The following CFAP210 variants were observed in gnomAD, a reference collection of about 807,000 sequenced individuals.
CFAP210 encodes the protein cilia and flagella associated protein 210.
At chr2:169,678,665 A>T in the CFAP210 span, among the ~76,000 whole-genome samples, 1 of 151,994 alleles carries the variant, frequency 6.6e-6, no homozygotes, top group African/African-American at 2.4e-5. Flanking sequence ...TCTCTACTAA[A>T]AATACAAAAA....
the CFAP210 span, chr2:169,650,474 A>G: frequency 1.3e-6 from 2 of 1,597,902 alleles, no homozygotes; most frequent in South Asian, 1.2e-5. Flanking sequence ...CTCTTTCAAC[A>G]GTTCACTCAG....
chr2:169,661,040 A>G, the CFAP210 span: 1 of 509,630 alleles, frequency 2.0e-6, no homozygotes, highest in South Asian at 1.5e-5. Context: ...TCTTTAGCAG[A>G]AGCCTGTTCT....
the CFAP210 span, chr2:169,646,203 A>AT: frequency 6.5e-7 from 1 of 1,539,026 alleles, no homozygotes; most frequent in East Asian, 2.3e-5. Flanking sequence ...AAGAAAGGAA[A>AT]TTTAACTTAA....
chr2:169,679,003 GAATA>G, the CFAP210 span, among the ~76,000 whole-genome samples: 1 of 152,066 alleles, frequency 6.6e-6, no homozygotes, highest in East Asian at 1.9e-4. Flanking sequence ...CAATAAAACA[GAATA>G]GATAGTGCAG....
At chr2:169,654,170 C>T in the CFAP210 span, 1 of 1,596,966 alleles carries the variant, frequency 6.3e-7, no homozygotes. Flanking sequence ...CCTCTTGCTG[C>T]TGCTGTTCTA....
chr2:169,674,893 G>T, the CFAP210 span: 2 of 1,519,158 alleles, frequency 1.3e-6, no homozygotes, highest in Non-Finnish European at 1.8e-6. Flanking sequence ...CTTTCTGTCT[G>T]GTAAAATTGA....
At chr2:169,657,701 C>A in the CFAP210 span, among the ~76,000 whole-genome samples, 1 of 151,184 alleles carries the variant, frequency 6.6e-6, no homozygotes. Flanking sequence ...GCCAGGGAGG[C>A]AGGGTGAAAC....
At chr2:169,651,888 T>G in the CFAP210 span, among the ~76,000 whole-genome samples, 12 of 151,848 alleles carry the variant, frequency 7.9e-5, no homozygotes, top group African/African-American at 2.9e-4. Flanking sequence ...TTTTTTTTTT[T>G]TTTTTAAGAG....
At chr2:169,676,171 A>C in the CFAP210 span, among the ~76,000 whole-genome samples, 1 of 152,062 alleles carries the variant, frequency 6.6e-6, no homozygotes, top group Non-Finnish European at 1.5e-5. Context: ...TTATATGTCA[A>C]GTTCCTATAT....
chr2:169,645,854 C>T, the CFAP210 span: 1 of 1,610,350 alleles, frequency 6.2e-7, no homozygotes, highest in South Asian at 1.1e-5. Context: ...CCATGTAAAA[C>T]CTAGCCTTCT....
At chr2:169,670,459 C>A in the CFAP210 span, among the ~76,000 whole-genome samples, 1 of 152,158 alleles carries the variant, frequency 6.6e-6, no homozygotes, top group African/African-American at 2.4e-5. Context: ...TTTTATATTG[C>A]TGAATAACTA....
the CFAP210 span, chr2:169,675,012 T>C: frequency 1.3e-6 from 2 of 1,531,150 alleles, no homozygotes; most frequent in Admixed American, 2.3e-5. Context: ...ACGCTTCTTT[T>C]TGGCTTCAAG....
At chr2:169,654,315 CCAGTT>C in the CFAP210 span, 2 of 986,884 alleles carry the variant, frequency 2.0e-6, no homozygotes, top group Non-Finnish European at 2.8e-6. Flanking sequence ...AGCTTCTGAC[CCAGTT>C]ATTTCTCTCC....
chr2:169,646,232 A>G, the CFAP210 span: 3 of 1,339,670 alleles, frequency 2.2e-6, no homozygotes, highest in Admixed American at 6.2e-5. Context: ...AAGAACATGA[A>G]CTTTCTAAAT....
the CFAP210 span, among the ~76,000 whole-genome samples, chr2:169,657,918 G>T: frequency 6.6e-6 from 1 of 151,822 alleles, no homozygotes; most frequent in African/African-American, 2.4e-5. Context: ...GACTTTAAAA[G>T]ATAAGCTTTT....
the CFAP210 span, among the ~76,000 whole-genome samples, chr2:169,687,332 C>A: frequency 8.5e-5 from 13 of 152,232 alleles, no homozygotes; most frequent in Non-Finnish European, 2.9e-5. Context: ...GTCCATAGTC[C>A]AAAGTCTCAT....
chr2:169,650,386 TTC>T, the CFAP210 span: 18 of 1,602,300 alleles, frequency 1.1e-5, no homozygotes, highest in Non-Finnish European at 1.4e-5. Flanking sequence ...TTTCATCTTT[TTC>T]TCTTTCTCTT....
the CFAP210 span, among the ~76,000 whole-genome samples, chr2:169,647,781 AT>A: frequency 6.6e-6 from 1 of 152,342 alleles, no homozygotes; most frequent in South Asian, 2.1e-4. Context: ...GGAAGAAGAC[AT>A]TTCCAAATCA....
the CFAP210 span, among the ~76,000 whole-genome samples, chr2:169,647,203 T>C: frequency 6.6e-6 from 1 of 150,766 alleles, no homozygotes; most frequent in Non-Finnish European, 1.5e-5. Flanking sequence ...AAAAAAAAGC[T>C]AAAATCGATC....
Sources: gnomAD v4.1 joint callset for allele counts (sites outside exome capture counted in the v4.1 genomes callset) on GRCh38, gnomAD v4.1.1 for gene constraint, MANE v1.5 for transcripts, NCBI Gene and HGNC (gene_info 2026-07-23, HGNC 2026-07-21) for gene names.